The following TCEANC2 variants were observed in gnomAD, a reference collection of about 807,000 sequenced individuals.
TCEANC2 encodes the protein transcription elongation factor A N-terminal and central domain containing 2, also known as transcription elongation factor A N-terminal and central domain-containing protein 2.
TCEANC2 carries 20 observed loss-of-function variants against 22.8 expected under a neutral mutation model. The ratio of observed to expected loss-of-function variants is 0.88; its 90% CI spans 0.62 to 1.28. The LOEUF is 1.28. Ranked by LOEUF, TCEANC2 falls within the 50% of genes most tolerant of loss-of-function variation. TCEANC2 has a pLI of 0.00. For synonymous variants in TCEANC2, 84 were observed against 95.5 expected, an observed-to-expected ratio of 0.88 and a Z score of 0.70; for missense variants, 251 against 249.7, an observed-to-expected ratio of 1.01 and a Z score of -0.03.
chr1:54,099,743 CAAAAAA>C lies in TCEANC2; in HGVS notation c.*3282_*3287del, dbSNP rs36005233. ...TGGGCAACAGAGTGAGACTCTGTCT[CAAAAAA>C]AAAAAAAAAAAGAGAAAAAGAAAAA... On this transcript the variant is annotated 3_prime_UTR_variant, in exon 5 of 5. Transcript: ENST00000234827. 2 of 108,252 alleles carry C rather than the reference CAAAAAA, an allele frequency of 1.8e-5. No individual in the cohort carries two copies. Among genetic ancestry groups the C allele is most frequent in the Non-Finnish European group, 4.0e-5 (2 of 50,202 alleles). The allele number at this position is 108,252 out of a possible 1,614,324, so 6.7% of individuals were successfully genotyped here.
rs1657705892 is a variant in TCEANC2, at chr1:54,054,516, T to C, written c.94T>C (p.Ser32Pro). 1 of 1,612,864 alleles carries C rather than the reference T, an allele frequency of 6.2e-7. No individual in the cohort carries two copies. The highest frequency in any genetic ancestry group is 2.2e-5 in the East Asian group (1 of 44,848). Residue 32 changes from serine (S) to proline (P), a missense_variant, in exon 2 of 5, where the codon TCT becomes CCT. By Grantham distance (74) the Ser-to-Pro change is moderately conservative. Coordinates refer to ENST00000234827, the MANE Select transcript of TCEANC2 (RefSeq NM_153035.3). ...GKVYKQATIE[S>P]LKRVVVVEDI... ...GGTTTACAAGCAGGCCACGATTGAA[T>C]CTCTGAAGGTGAGAGGGGATCTGGG...
rs1658683118 is a variant in TCEANC2, at chr1:54,102,732, G to A, written c.*6259G>A. 6.6e-6 allele frequency: 1 copy of A among 152,192 alleles called. No individual in the cohort carries two copies. Among genetic ancestry groups the A allele is most frequent in the African/African-American group, 2.4e-5 (1 of 41,414 alleles). The allele number at this position is 152,192 out of a possible 1,614,324, so 9.4% of individuals were successfully genotyped here. On this transcript the variant is annotated 3_prime_UTR_variant, in exon 5 of 5. Coordinates refer to ENST00000234827, the MANE Select transcript of TCEANC2 (RefSeq NM_153035.3). Reference sequence around the variant, plus strand: ...TCTTTATAATATCCAGCTGATAGAAGAGAAAAAAAGCCATGCCTTATCCTT... The same window carrying A: ...TCTTTATAATATCCAGCTGATAGAAAAGAAAAAAAGCCATGCCTTATCCTT...
At position 54,097,759 on chromosome 1, in the gene TCEANC2, T is replaced by C. The variant is rs1427125711; in HGVS notation, c.*1286T>C. The C allele has an allele frequency of 6.6e-6, 1 of 152,200 alleles. No individual in the cohort carries two copies. The highest frequency in any genetic ancestry group is 1.5e-5 in the Non-Finnish European group (1 of 68,046). The allele number at this position is 152,200 out of a possible 1,614,324, so 9.4% of individuals were successfully genotyped here. On this transcript the variant is annotated 3_prime_UTR_variant, in exon 5 of 5. Transcript: ENST00000234827. ...TTTCCTGAGCATCCATTCTGTGGGG[T>C]AGGTGTATACTGAGCAGTAGTTACA...
chr1:54,083,433 T>C (rs894138479), intron 3 of TCEANC2, among the ~76,000 whole-genome samples: 2 of 152,142 alleles, frequency 1.3e-5, no homozygotes, highest in Admixed American at 6.5e-5. Flanking sequence ...AGAGACTCAG[T>C]AACAGGTGCT....
At chr1:54,067,736 T>C (rs1657984414) in intron 2 of TCEANC2, among the ~76,000 whole-genome samples, 1 of 152,192 alleles carries the variant, frequency 6.6e-6, no homozygotes, top group Admixed American at 6.5e-5. Context: ...TTTTTTGTTG[T>C]TGCTTTTATC....
At chr1:54,091,810 T>C (rs756281292) in intron 4 of TCEANC2, among the ~76,000 whole-genome samples, 1 of 152,210 alleles carries the variant, frequency 6.6e-6, no homozygotes, top group African/African-American at 2.4e-5. Flanking sequence ...ATTCTCTTAC[T>C]TCCCCTTCCT....
intron 2 of TCEANC2, among the ~76,000 whole-genome samples, chr1:54,059,869 A>G (rs906103992): frequency 1.3e-5 from 2 of 152,260 alleles, no homozygotes; most frequent in Non-Finnish European, 2.9e-5. Flanking sequence ...GAAACAGCTT[A>G]TGCCCAGCAC....
chr1:54,104,640 C>T lies in TCEANC2; in HGVS notation c.*8167C>T. ...CACTGCAACCTCTGCCTCCTGGGTT[C>T]AAGCTATTCTCCTGCCTCAGCCTCC... On this transcript the variant is annotated 3_prime_UTR_variant, in exon 5 of 5. Transcript: ENST00000234827. The T allele has an allele frequency of 2.3e-6, 1 of 439,442 alleles. No individual in the cohort carries two copies. Among genetic ancestry groups the T allele is most frequent in the Non-Finnish European group, 4.6e-6 (1 of 215,170 alleles). The allele number at this position is 439,442 out of a possible 1,614,324, so 27.2% of individuals were successfully genotyped here. A position where few individuals can be genotyped will look rare whatever the true frequency, so the allele number is the denominator to read the frequency against.
intron 3 of TCEANC2, among the ~76,000 whole-genome samples, chr1:54,085,595 C>T (rs1658325492): frequency 6.6e-6 from 1 of 151,974 alleles, no homozygotes; most frequent in Non-Finnish European, 1.5e-5. Context: ...GCTAGTTGTG[C>T]CTCATAACTC....
chr1:54,055,580 G>T (rs879499502), intron 2 of TCEANC2, among the ~76,000 whole-genome samples: 3 of 152,032 alleles, frequency 2.0e-5, no homozygotes, highest in Non-Finnish European at 4.4e-5. Flanking sequence ...CCATTCTTTA[G>T]GCTTTCTGTG....
intron 4 of TCEANC2, among the ~76,000 whole-genome samples, chr1:54,094,379 G>T (rs1658505314): frequency 6.6e-6 from 1 of 151,992 alleles, no homozygotes; most frequent in African/African-American, 2.4e-5. Context: ...TTTGAACTTT[G>T]CTTTTTGCAC....
At position 54,097,638 on chromosome 1, in the gene TCEANC2, T is replaced by C. The variant is rs1658583199; in HGVS notation, c.*1165T>C. ...ATTAACCTTTACCTGGATCTTTATA[T>C]AGTTTTGTAAAAATATTGCTTACTT... On this transcript the variant is annotated 3_prime_UTR_variant, in exon 5 of 5. Coordinates refer to ENST00000234827, the MANE Select transcript of TCEANC2 (RefSeq NM_153035.3). 1 of 152,362 alleles carries C rather than the reference T, an allele frequency of 6.6e-6. No individual in the cohort carries two copies. The highest frequency in any genetic ancestry group is 2.4e-5 in the African/African-American group (1 of 41,594). 9.4% of individuals were successfully genotyped at this position (152,362 alleles called of 1,614,324 possible). A position where few individuals can be genotyped will look rare whatever the true frequency, so the allele number is the denominator to read the frequency against.
rs552427811 is a variant in TCEANC2, at chr1:54,064,219, A to G, written c.103-4537A>G. Reference sequence around the variant, plus strand: ...AGAATTTCTACTCCAAGAAGTAGAGATAAGAAAACAATCTCAAAGAGACCT... The same window carrying G: ...AGAATTTCTACTCCAAGAAGTAGAGGTAAGAAAACAATCTCAAAGAGACCT... On this transcript the variant is annotated intron_variant, in intron 2 of 4. Coordinates refer to ENST00000234827, the MANE Select transcript of TCEANC2 (RefSeq NM_153035.3). 1.2e-4 allele frequency among the ~76,000 whole-genome samples: 18 copies of G among 152,352 alleles called. No individual in the cohort carries two copies. In the South Asian group the frequency reaches 1.9e-3, roughly 16 times the overall value.
intron 2 of TCEANC2, among the ~76,000 whole-genome samples, chr1:54,058,269 C>A (rs1406956488): frequency 6.6e-6 from 1 of 152,136 alleles, no homozygotes; most frequent in Non-Finnish European, 1.5e-5. Flanking sequence ...TACTATTGGG[C>A]CCTTCCTGAC....
chr1:54,063,371 A>T (rs1306732709), intron 2 of TCEANC2, among the ~76,000 whole-genome samples: 1 of 152,196 alleles, frequency 6.6e-6, no homozygotes, highest in Non-Finnish European at 1.5e-5. Context: ...CCATGCATGA[A>T]TATGTGTACA....
intron 2 of TCEANC2, among the ~76,000 whole-genome samples, chr1:54,065,910 A>G (rs1331131784): frequency 6.6e-6 from 1 of 152,100 alleles, no homozygotes; most frequent in African/African-American, 2.4e-5. Flanking sequence ...CATGTCTACA[A>G]AAAATACAAA....
chr1:54,106,286 G>A (rs1313398176), downstream of TCEANC2, among the ~76,000 whole-genome samples: 2 of 152,318 alleles, frequency 1.3e-5, no homozygotes, highest in Middle Eastern at 3.4e-3. Context: ...ATACCGTGCA[G>A]TGGATAAAAA....
In TCEANC2 at chr1:54,088,681, T is replaced by C. The variant is rs1041676863; in HGVS notation, c.329T>C (p.Phe110Ser). Residue 110 changes from phenylalanine to serine, a missense_variant, in exon 4 of 5, where the codon TTC becomes TCC. Transcript: ENST00000234827. ...AREVYTEWKT[F>S]TEKHSNRPSI... ...GAAGTTTACACTGAGTGGAAAACTTTCACTGAAAAACATTCAAATAGACCT... is the reference window on the plus strand; with the variant it reads ...GAAGTTTACACTGAGTGGAAAACTTCCACTGAAAAACATTCAAATAGACCT... The C allele has an allele frequency of 2.5e-6, 4 of 1,611,476 alleles. No homozygotes were observed. The highest frequency in any genetic ancestry group is 2.2e-5 in the East Asian group (1 of 44,774).
rs113741005 is a variant in TCEANC2 at position 54,071,077 on chromosome 1, C to T, written c.244+2180C>T. Among the ~76,000 whole-genome samples the T allele has an allele frequency of 5.8e-3, 887 of 152,104 alleles. 6 individuals are homozygous for T. The highest frequency in any genetic ancestry group is 0.02 in the African/African-American group (825 of 41,496). ...ATTCCAGAAACTAAAAGTAGTTTGG[C>T]GTGTTAGAAATGTAATGTGCTTGAG... On this transcript the variant is annotated intron_variant, in intron 3 of 4. Coordinates refer to ENST00000234827, the MANE Select transcript of TCEANC2 (RefSeq NM_153035.3).
Sources: allele counts gnomAD v4.1 joint callset (sites outside exome capture counted in the v4.1 genomes callset), GRCh38; gene constraint gnomAD v4.1.1; transcripts MANE v1.5; gene names NCBI Gene and HGNC (gene_info 2026-07-23, HGNC 2026-07-21).